The following NPAS3 variants were observed in gnomAD, a reference collection of about 807,000 sequenced individuals.
The protein encoded by NPAS3 is neuronal PAS domain-containing protein 3.
Under a neutral mutation model 73.1 loss-of-function variants are expected in NPAS3, and 14 were observed. The ratio of observed to expected loss-of-function variants is 0.19; its 90% CI spans 0.13 to 0.30. The LOEUF is 0.30. Ranked by LOEUF, NPAS3 falls within the 10% of genes least tolerant of loss-of-function variation. The pLI, the probability that NPAS3 is intolerant of heterozygous loss-of-function variation, is 1.00. For synonymous variants in NPAS3, 620 were observed against 541.5 expected (o/e 1.14, Z -2.01); for missense variants, 1,096 against 1,250.0 (o/e 0.88, Z 1.86).
intron 3 of NPAS3, among the ~76,000 whole-genome samples, chr14:33,267,165 G>A (rs1436808185): frequency 6.6e-6 from 1 of 152,084 alleles, no homozygotes; most frequent in Non-Finnish European, 1.5e-5. Flanking sequence ...AATTCACATT[G>A]TATAATTTTA....
At chr14:33,780,366 A>C (rs1017491474) in intron 9 of NPAS3, among the ~76,000 whole-genome samples, 2 of 152,264 alleles carry the variant, frequency 1.3e-5, no homozygotes, top group Non-Finnish European at 2.9e-5. Context: ...AAATGGAGAA[A>C]AAAATCAGGA....
intron 2 of NPAS3, among the ~76,000 whole-genome samples, chr14:33,118,498 C>T (rs1163265998): frequency 6.6e-6 from 1 of 152,102 alleles, no homozygotes; most frequent in Non-Finnish European, 1.5e-5. Flanking sequence ...TCCTCATCAA[C>T]CACTGTGCTT....
At chr14:33,306,361 G>A (rs527770384) in intron 3 of NPAS3, among the ~76,000 whole-genome samples, 14 of 152,222 alleles carry the variant, frequency 9.2e-5, no homozygotes, top group African/African-American at 2.9e-4. Flanking sequence ...TTAATGGAAC[G>A]AACAAACTAA....
chr14:32,963,554 C>T (rs535489392), intron 1 of NPAS3, among the ~76,000 whole-genome samples: 4 of 152,038 alleles, frequency 2.6e-5, no homozygotes, highest in African/African-American at 7.3e-5. Flanking sequence ...AATCCCTGCA[C>T]GTACTTACTG....
intron 2 of NPAS3, among the ~76,000 whole-genome samples, chr14:33,182,368 C>G (rs1037592795): frequency 1.4e-4 from 21 of 152,016 alleles, no homozygotes; most frequent in African/African-American, 5.1e-4. Flanking sequence ...CCTTTGTTTT[C>G]TATTGTATTT....
At chr14:33,146,026 T>G (rs2044225816) in intron 2 of NPAS3, among the ~76,000 whole-genome samples, 1 of 152,168 alleles carries the variant, frequency 6.6e-6, no homozygotes, top group Admixed American at 6.5e-5. Context: ...TCGCAGATGG[T>G]TTACAATTTC....
intron 4 of NPAS3, among the ~76,000 whole-genome samples, chr14:33,477,280 A>G (rs980481140): frequency 3.3e-5 from 5 of 152,158 alleles, no homozygotes; most frequent in Admixed American, 6.5e-5. Context: ...CTGTGGACAC[A>G]TTAGATTGCT....
chr14:33,789,788 A>G (rs2138606494), intron 9 of NPAS3, among the ~76,000 whole-genome samples: 1 of 150,666 alleles, frequency 6.6e-6, no homozygotes, highest in Non-Finnish European at 1.5e-5. Flanking sequence ...ACAGGGTTTC[A>G]CCGTTTTAGC....
At position 33,328,788 on chromosome 14, in the gene NPAS3, T is replaced by G. The variant is rs148317453; in HGVS notation, c.386-38398T>G. ...CCCAATTGTGACTTTCCTGAATTCT[T>G]GAGATGAATACTTACTCCTTTAACT... On this transcript the variant is annotated intron_variant, in intron 3 of 11. Transcript: ENST00000356141. Among the ~76,000 whole-genome samples the G allele has an allele frequency of 3.3e-4, 50 of 152,264 alleles. 1 individual carries two copies. Among genetic ancestry groups the G allele is most frequent in the African/African-American group, 1.2e-3 (48 of 41,558 alleles).
intron 5 of NPAS3, among the ~76,000 whole-genome samples, chr14:33,654,504 G>A (rs55671508): frequency 3.9e-5 from 6 of 152,208 alleles, no homozygotes; most frequent in Non-Finnish European, 5.9e-5. Context: ...AAAAAGTGAC[G>A]ATTAGATTTT....
At chr14:33,683,716 A>C (rs1220576049) in intron 6 of NPAS3, among the ~76,000 whole-genome samples, 1 of 152,202 alleles carries the variant, frequency 6.6e-6, no homozygotes, top group African/African-American at 2.4e-5. Context: ...CTCCACCCCT[A>C]GTGAGCAATT....
At chr14:33,513,738 GT>G (rs927240405) in intron 4 of NPAS3, among the ~76,000 whole-genome samples, 14 of 151,912 alleles carry the variant, frequency 9.2e-5, no homozygotes, top group Non-Finnish European at 1.8e-4. Flanking sequence ...ATGGGCAAGT[GT>G]TTTTTTCCTT....
At chr14:33,687,428 A>G (rs78778945) in intron 6 of NPAS3, among the ~76,000 whole-genome samples, 4,123 of 152,266 alleles carry the variant, frequency 0.027, 81 homozygotes, top group Non-Finnish European at 0.045. Context: ...TCTCCAAATA[A>G]AAACACTAAC....
At chr14:33,109,810 C>CTTTTTTT (rs67439887) in intron 2 of NPAS3, among the ~76,000 whole-genome samples, 55 of 86,972 alleles carry the variant, frequency 6.3e-4, no homozygotes, top group South Asian at 9.6e-4. Context: ...ATTTGCATGT[C>CTTTTTTT]TTTTTTTTTT....
Position 32,991,210 on chromosome 14 carries a change from T to G in NPAS3, c.50+51844T>G, listed in dbSNP as rs147282911. ...AGGCTAGTCTCAAACTCCTGCTTTA[T>G]GTTCTTGATGGTTCCCCAGAAAGCC... On this transcript the variant is annotated intron_variant, in intron 1 of 11. Transcript: ENST00000356141. Among the ~76,000 whole-genome samples, 780 of 151,968 alleles carry G rather than the reference T, an allele frequency of 5.1e-3. 10 individuals carry two copies. Among genetic ancestry groups the G allele is most frequent in the African/African-American group, 0.018 (742 of 41,466 alleles).
chr14:32,941,558 A>C (rs1299189541), intron 1 of NPAS3, among the ~76,000 whole-genome samples: 1 of 151,762 alleles, frequency 6.6e-6, no homozygotes, highest in Non-Finnish European at 1.5e-5. Flanking sequence ...GGTAAATCAA[A>C]GTGTGCGATT....
At chr14:33,496,732 C>T (rs919399103) in intron 4 of NPAS3, among the ~76,000 whole-genome samples, 2 of 152,116 alleles carry the variant, frequency 1.3e-5, no homozygotes, top group Admixed American at 6.5e-5. Flanking sequence ...GACAAACTGA[C>T]AGCCAGTATC....
intron 3 of NPAS3, among the ~76,000 whole-genome samples, chr14:33,282,852 T>A (rs764581858): frequency 3.9e-5 from 6 of 152,160 alleles, no homozygotes; most frequent in African/African-American, 1.2e-4. Context: ...ATTTGTACTG[T>A]CTCATCATGA....
chr14:33,319,885 A>G (rs2043363547), intron 3 of NPAS3, among the ~76,000 whole-genome samples: 1 of 152,140 alleles, frequency 6.6e-6, no homozygotes, highest in Non-Finnish European at 1.5e-5. Context: ...TTTATTTTTC[A>G]TCCTTGTGTT....
Sources: gnomAD v4.1 joint callset for allele counts (sites outside exome capture counted in the v4.1 genomes callset) on GRCh38, gnomAD v4.1.1 for gene constraint, MANE v1.5 for transcripts, NCBI Gene and HGNC (gene_info 2026-07-23, HGNC 2026-07-21) for gene names.